ATP6V1A: variants seen among roughly 807,000 people sequenced by gnomAD.
The protein encoded by ATP6V1A is ATPase H+ transporting V1 subunit A.
ATP6V1A carries 18 observed loss-of-function variants against 70.1 expected under a neutral mutation model. The ratio of observed to expected loss-of-function variants is 0.26; its 90% confidence interval spans 0.18 to 0.38. The LOEUF (loss-of-function observed/expected upper bound fraction) is 0.38. Ranked by LOEUF, ATP6V1A falls within the 10% of genes least tolerant of loss-of-function variation. The probability of loss-of-function intolerance (pLI) is 1.00; values close to 1 mark genes in which losing one functional copy is unlikely to be tolerated. For missense variants in ATP6V1A, 424 were observed against 772.4 expected, an observed-to-expected ratio of 0.55 and a Z score of 5.35; for synonymous variants, 232 against 253.8, an observed-to-expected ratio of 0.91 and a Z score of 0.82.
intron 12 of ATP6V1A, among the ~76,000 whole-genome samples, chr3:113,799,986 C>T (rs1709191943): frequency 6.6e-6 from 1 of 152,240 alleles, no homozygotes; most frequent in South Asian, 2.1e-4. Context: ...AATCCCAGCA[C>T]TTTGGGAGGC....
intron 7 of ATP6V1A, 75 bp downstream of exon 7, chr3:113,788,950 T>A (rs1305854985): frequency 6.5e-6 from 9 of 1,380,530 alleles, no homozygotes; most frequent in Non-Finnish European, 9.1e-6. Context: ...AATAAAGCTT[T>A]GTGTTGGGTC....
At chr3:113,767,515 C>T (rs1015440335) in intron 1 of ATP6V1A, among the ~76,000 whole-genome samples, 2 of 152,114 alleles carry the variant, frequency 1.3e-5, no homozygotes, top group African/African-American at 2.4e-5. Context: ...TACTTGAATC[C>T]GTACATCAGT....
chr3:113,761,490 G>A (rs920600991), intron 1 of ATP6V1A, among the ~76,000 whole-genome samples: 7 of 151,864 alleles, frequency 4.6e-5, no homozygotes, highest in African/African-American at 1.7e-4. Context: ...TTATCCCAGC[G>A]CTTTGGGAGG....
At chr3:113,787,060 G>A (rs746407745) in intron 6 of ATP6V1A, among the ~76,000 whole-genome samples, 31 of 152,136 alleles carry the variant, frequency 2.0e-4, no homozygotes, top group Admixed American at 1.4e-3. Context: ...GATTACAGGC[G>A]TGAGCCATTG....
rs189828992 is a variant in ATP6V1A, at chr3:113,763,724, T to G, written c.-13-15017T>G. Among the ~76,000 whole-genome samples, 233 of 152,366 alleles carry G rather than the reference T, an allele frequency of 1.5e-3. 2 individuals carry two copies. The highest frequency in any genetic ancestry group is 5.4e-3 in the African/African-American group (225 of 41,588). ...TTTTAACAGCTCTGAAATTAGTGCCTGTCCTGCAATTTCTGGAATGCCATA... is the reference window on the plus strand; with the variant it reads ...TTTTAACAGCTCTGAAATTAGTGCCGGTCCTGCAATTTCTGGAATGCCATA... On this transcript the variant is annotated intron_variant, in intron 1 of 14. Transcript: ENST00000273398.
intron 1 of ATP6V1A, among the ~76,000 whole-genome samples, chr3:113,768,592 C>CTTTTTT (rs34915547): frequency 5.8e-5 from 6 of 103,388 alleles, no homozygotes; most frequent in African/African-American, 1.1e-4. Context: ...TAGCCTGTAT[C>CTTTTTT]TTTTTTTTTT....
chr3:113,784,084 CTA>C (rs758917698), intron 3 of ATP6V1A, 138 bp from the exon 4 acceptor site: 80 of 729,110 alleles, frequency 1.1e-4, no homozygotes, highest in Non-Finnish European at 1.7e-4. Context: ...ACTGAAAACA[CTA>C]TGAATCCTGT....
chr3:113,792,060 A>C (rs904065834), intron 8 of ATP6V1A, among the ~76,000 whole-genome samples: 3 of 152,064 alleles, frequency 2.0e-5, no homozygotes, highest in Non-Finnish European at 4.4e-5. Context: ...TTAATGACTA[A>C]ATTTGTATTT....
intron 1 of ATP6V1A, among the ~76,000 whole-genome samples, chr3:113,750,637 C>T (rs1453165985): frequency 5.3e-5 from 8 of 152,162 alleles, no homozygotes; most frequent in African/African-American, 1.9e-4. Flanking sequence ...GGACAGTGTA[C>T]TTAAGTAAGG....
intron 1 of ATP6V1A, among the ~76,000 whole-genome samples, chr3:113,773,191 G>GC (rs1490853748): frequency 1.3e-5 from 2 of 151,938 alleles, no homozygotes; most frequent in Non-Finnish European, 2.9e-5. Flanking sequence ...ACCCGCCTTG[G>GC]CCCCCCAAAG....
At chr3:113,755,323 G>A (rs1342661171) in intron 1 of ATP6V1A, among the ~76,000 whole-genome samples, 2 of 151,870 alleles carry the variant, frequency 1.3e-5, no homozygotes. Context: ...ATATTTGCCA[G>A]CTGGGTGCAG....
intron 1 of ATP6V1A, among the ~76,000 whole-genome samples, chr3:113,767,326 ATCCACCTGCCTCAGCC>A (rs1708784216): frequency 6.6e-6 from 1 of 152,028 alleles, no homozygotes; most frequent in Non-Finnish European, 1.5e-5. Context: ...TCCTGACCTC[ATCCACCTGCCTCAGCC>A]TCTCAAAGTG....
chr3:113,806,075 C>A (rs1467462086), intron 14 of ATP6V1A, among the ~76,000 whole-genome samples: 1 of 152,064 alleles, frequency 6.6e-6, no homozygotes. Flanking sequence ...GAGTTCAAGA[C>A]CAGCCTGGGC....
intron 1 of ATP6V1A, among the ~76,000 whole-genome samples, chr3:113,769,918 G>A (rs147750259): frequency 2.0e-5 from 3 of 152,308 alleles, no homozygotes; most frequent in Non-Finnish European, 4.4e-5. Context: ...CACAGTTGAA[G>A]TCAAAACAGC....
At chr3:113,749,254 A>G (rs960942487) in intron 1 of ATP6V1A, among the ~76,000 whole-genome samples, 15 of 135,988 alleles carry the variant, frequency 1.1e-4, no homozygotes, top group East Asian at 6.5e-4. Flanking sequence ...CTTTGACATT[A>G]TACACAGATC....
intron 11 of ATP6V1A, among the ~76,000 whole-genome samples, chr3:113,797,588 A>G (rs988474150): frequency 2.6e-5 from 4 of 152,196 alleles, no homozygotes; most frequent in African/African-American, 9.6e-5. Flanking sequence ...TAAAGTGTGT[A>G]TTCGATCTAC....
intron 1 of ATP6V1A, among the ~76,000 whole-genome samples, chr3:113,759,076 G>A (rs1269157513): frequency 1.3e-5 from 2 of 152,146 alleles, no homozygotes; most frequent in Non-Finnish European, 2.9e-5. Flanking sequence ...GTTTATGTCT[G>A]TAAATATTTT....
intron 1 of ATP6V1A, among the ~76,000 whole-genome samples, chr3:113,748,952 A>G (rs1708555129): frequency 6.6e-6 from 1 of 152,184 alleles, no homozygotes; most frequent in Non-Finnish European, 1.5e-5. Context: ...GTGTTACTTC[A>G]GTGACCAGGT....
rs777785213 is a variant in ATP6V1A, at chr3:113,795,879, T to G, written c.1230T>G (p.Val410=). ...REGSVSIVGA[V]SPPGGDFSDP... is the part of the protein sequence containing the mutation. ...ACCATATTTTTTTTAAATTTAGAGTTTCTCCACCTGGTGGTGATTTTTCTG... is the reference window on the plus strand; with the variant it reads ...ACCATATTTTTTTTAAATTTAGAGTGTCTCCACCTGGTGGTGATTTTTCTG... Residue 410 remains valine (V), a synonymous_variant, in exon 11 of 15, where the codon GTT becomes GTG. Coordinates refer to ENST00000273398, the MANE Select transcript of ATP6V1A (RefSeq NM_001690.4). 6 of 1,607,820 alleles carry G rather than the reference T, an allele frequency of 3.7e-6. No individual in the cohort carries two copies. Among genetic ancestry groups the G allele is most frequent in the Non-Finnish European group, 4.2e-6 (5 of 1,178,448 alleles).
Sources: gnomAD v4.1 joint callset for allele counts (sites outside exome capture counted in the v4.1 genomes callset) on GRCh38, gnomAD v4.1.1 for gene constraint, MANE v1.5 for transcripts, NCBI Gene and HGNC (gene_info 2026-07-23, HGNC 2026-07-21) for gene names.